The following COMMD1 variants were observed in gnomAD, a reference collection of about 807,000 sequenced individuals.
COMMD1 encodes COMM domain-containing protein 1.
A neutral mutation model predicts 17.2 loss-of-function variants in COMMD1; 10 were observed. The observed-to-expected ratio is 0.58, with a 90% confidence interval of 0.36 to 0.99. The LOEUF (loss-of-function observed/expected upper bound fraction) is 0.99. COMMD1 is among the 50% of genes least tolerant of loss of function. The probability of loss-of-function intolerance (pLI) is 0.01; values close to 1 mark genes in which losing one functional copy is unlikely to be tolerated. For missense variants in COMMD1, 270 were observed against 231.8 expected (o/e 1.17, Z -1.07); for synonymous variants, 97 against 91.6 (o/e 1.06, Z -0.34).
At chr2:62,133,510 GGTAA>G (rs1252793314) in intron 2 of COMMD1, among the ~76,000 whole-genome samples, 5 of 150,982 alleles carry the variant, frequency 3.3e-5, no homozygotes, top group African/African-American at 2.4e-5. Context: ...TTTTGCTGAT[GGTAA>G]GTATTTTTAA....
intron 1 of COMMD1, among the ~76,000 whole-genome samples, chr2:61,918,359 T>C (rs909125063): frequency 2.6e-5 from 4 of 152,250 alleles, no homozygotes; most frequent in African/African-American, 9.6e-5. Context: ...TTATTCATTC[T>C]CTGAAGAATA....
chr2:61,888,499 C>G (rs777678342), upstream of COMMD1: 3 of 1,611,944 alleles, frequency 1.9e-6, no homozygotes, highest in African/African-American at 1.3e-5. Context: ...GTGCCACATT[C>G]TCGGGCATGG....
At chr2:62,111,756 T>C (rs1390495464) in intron 2 of COMMD1, among the ~76,000 whole-genome samples, 1 of 152,170 alleles carries the variant, frequency 6.6e-6, no homozygotes, top group African/African-American at 2.4e-5. Context: ...CCATCCAGTC[T>C]TTTAGTTCAA....
At chr2:61,993,619 C>A (rs1364416798) in intron 1 of COMMD1, among the ~76,000 whole-genome samples, 1 of 152,170 alleles carries the variant, frequency 6.6e-6, no homozygotes, top group Non-Finnish European at 1.5e-5. Flanking sequence ...GCCTAGGCTG[C>A]CAGTAGATGG....
chr2:62,003,920 G>A (rs1669037215), intron 2 of COMMD1, among the ~76,000 whole-genome samples: 1 of 152,112 alleles, frequency 6.6e-6, no homozygotes. Context: ...TTGAGGTCAG[G>A]AGTTTGAGAC....
At chr2:61,957,130 T>C (rs2103684601) in intron 1 of COMMD1, among the ~76,000 whole-genome samples, 1 of 149,748 alleles carries the variant, frequency 6.7e-6, no homozygotes, top group East Asian at 2.0e-4. Flanking sequence ...GTAAAATCTT[T>C]TTAAGAGATG....
At chr2:61,994,585 A>G (rs1668698718) in intron 1 of COMMD1, among the ~76,000 whole-genome samples, 1 of 152,104 alleles carries the variant, frequency 6.6e-6, no homozygotes, top group South Asian at 2.1e-4. Flanking sequence ...AATGATAGGA[A>G]TACAGCTTAA....
rs55789110 is a variant in COMMD1, at chr2:62,121,371, C to CAAAAAAAAAAAAAA, written c.463-14447_463-14434dup. On this transcript the variant is annotated intron_variant, in intron 2 of 2. Coordinates refer to ENST00000311832, the MANE Select transcript of COMMD1 (RefSeq NM_152516.4). ...GGCAACAGAGTGAGAGACTCTTTCT[C>CAAAAAAAAAAAAAA]AAAAAAAAAAAAAAAAAAAAAAAAA... is the stretch of plus-strand genomic sequence containing the variant. Among the ~76,000 whole-genome samples, 40 of 47,204 alleles carry CAAAAAAAAAAAAAA rather than the reference C, an allele frequency of 8.5e-4. 1 individual carries two copies. Among genetic ancestry groups the CAAAAAAAAAAAAAA allele is most frequent in the African/African-American group, 3.6e-3 (39 of 10,746 alleles). The allele number at this position is 47,204 out of a possible 152,430, so 31.0% of individuals were successfully genotyped here. A position where few individuals can be genotyped will look rare whatever the true frequency, so the allele number is the denominator to read the frequency against.
chr2:61,942,048 A>G (rs1174657382), intron 1 of COMMD1, among the ~76,000 whole-genome samples: 4 of 152,202 alleles, frequency 2.6e-5, no homozygotes, highest in Admixed American at 6.5e-5. Flanking sequence ...TGATGCTTAA[A>G]TAGTCTCTTA....
intron 1 of COMMD1, among the ~76,000 whole-genome samples, chr2:61,997,419 G>A (rs1046064977): frequency 6.6e-5 from 10 of 151,806 alleles, no homozygotes; most frequent in Non-Finnish European, 1.3e-4. Context: ...TTCTTGATCC[G>A]TGGTCTGCAG....
At chr2:61,894,281 T>A (rs1472014054) in intron 1 of COMMD1, among the ~76,000 whole-genome samples, 1 of 152,120 alleles carries the variant, frequency 6.6e-6, no homozygotes, top group Non-Finnish European at 1.5e-5. Context: ...TGAATTTTTT[T>A]AGTAGAGATG....
intron 2 of COMMD1, among the ~76,000 whole-genome samples, chr2:62,037,516 G>A (rs1267587306): frequency 6.6e-6 from 1 of 152,162 alleles, no homozygotes; most frequent in Non-Finnish European, 1.5e-5. Context: ...TGGTAGCTGC[G>A]AGAGGTATCA....
At chr2:61,982,085 C>T (rs1344262182) in intron 1 of COMMD1, among the ~76,000 whole-genome samples, 1 of 152,192 alleles carries the variant, frequency 6.6e-6, no homozygotes, top group East Asian at 1.9e-4. Context: ...ATAGTATAGA[C>T]ATTTCAACAA....
intron 2 of COMMD1, among the ~76,000 whole-genome samples, chr2:62,128,032 A>C (rs1672930196): frequency 6.6e-6 from 1 of 151,210 alleles, no homozygotes; most frequent in African/African-American, 2.4e-5. Flanking sequence ...AAAAAAAAAA[A>C]AAAAAAAGGA....
intron 1 of COMMD1, among the ~76,000 whole-genome samples, chr2:61,964,491 G>A (rs563264156): frequency 3.9e-5 from 6 of 152,130 alleles, no homozygotes; most frequent in Admixed American, 6.5e-5. Context: ...TGGGATTATA[G>A]GCGTGAGGCA....
At chr2:61,970,307 A>G (rs973092771) in intron 1 of COMMD1, among the ~76,000 whole-genome samples, 1 of 151,480 alleles carries the variant, frequency 6.6e-6, no homozygotes, top group Non-Finnish European at 1.5e-5. Context: ...ATTTGTGGAT[A>G]AGAGTTTTCT....
intron 2 of COMMD1, among the ~76,000 whole-genome samples, chr2:62,044,328 G>C (rs7568867): frequency 0.16 from 23,745 of 152,184 alleles, 1,930 homozygotes; most frequent in East Asian, 0.21. Flanking sequence ...GGTTAGAAGA[G>C]AGATGTCATT....
At position 62,115,874 on chromosome 2, in the gene COMMD1, T is replaced by G. The variant is rs1350657775; in HGVS notation, c.463-19957T>G. Among the ~76,000 whole-genome samples the G allele has an allele frequency of 3.5e-5, 5 of 142,252 alleles. No homozygotes were observed. The Admixed American group carries it at 3.7e-4, about 10-fold the overall frequency. The allele number at this position is 142,252 out of a possible 152,430, so 93.3% of individuals were successfully genotyped here. A position where few individuals can be genotyped will look rare whatever the true frequency, so the allele number is the denominator to read the frequency against. ...TTTCTTTCTTTCTTTTTTTTTTTTTTTTTTGAGATAGGGTCTTGCTGTCAC... is the reference window on the plus strand; with the variant it reads ...TTTCTTTCTTTCTTTTTTTTTTTTTGTTTTGAGATAGGGTCTTGCTGTCAC... On this transcript the variant is annotated intron_variant, in intron 2 of 2. Transcript: ENST00000311832.
At chr2:62,062,352 G>T (rs756011057) in intron 2 of COMMD1, among the ~76,000 whole-genome samples, 1 of 151,692 alleles carries the variant, frequency 6.6e-6, no homozygotes, top group Non-Finnish European at 1.5e-5. Context: ...TCAGCCTCCC[G>T]AGTAGCTGGG....
Sources: gnomAD v4.1 joint callset for allele counts (sites outside exome capture counted in the v4.1 genomes callset) on GRCh38, gnomAD v4.1.1 for gene constraint, MANE v1.5 for transcripts, NCBI Gene and HGNC (gene_info 2026-07-23, HGNC 2026-07-21) for gene names.